SCCPDH: variants seen among roughly 807,000 people sequenced by gnomAD.
The protein encoded by SCCPDH is saccharopine dehydrogenase-like oxidoreductase.
In SCCPDH, 34 loss-of-function variants were observed where a neutral mutation model predicts 51.5. The ratio of observed to expected loss-of-function variants is 0.66; its 90% CI spans 0.50 to 0.88. The LOEUF (loss-of-function observed/expected upper bound fraction) is 0.88. SCCPDH is among the 40% of genes least tolerant of loss of function. The pLI, the probability that SCCPDH is intolerant of heterozygous loss-of-function variation, is 0.00. For synonymous variants in SCCPDH, 187 were observed against 191.3 expected, an observed-to-expected ratio of 0.98 and a Z score of 0.19; for missense variants, 464 against 527.1, an observed-to-expected ratio of 0.88 and a Z score of 1.17.
intron 4 of SCCPDH, among the ~76,000 whole-genome samples, chr1:246,743,319 T>C (rs1668707942): frequency 6.6e-6 from 1 of 151,592 alleles, no homozygotes; most frequent in Non-Finnish European, 1.5e-5. Context: ...GCATGGTGGC[T>C]CACGCCTGAA....
intron 4 of SCCPDH, among the ~76,000 whole-genome samples, chr1:246,742,254 C>T (rs368762204): frequency 7.2e-5 from 11 of 152,188 alleles, no homozygotes; most frequent in African/African-American, 1.7e-4. Flanking sequence ...AATGCTTTAA[C>T]GTCTGTGAAG....
rs1127098 is a variant in SCCPDH, at chr1:246,759,088, A to G, written c.750A>G (p.Gly250=). The G allele has an allele frequency of 0.043, 68,739 of 1,611,162 alleles. 3,472 individuals carry two copies. Among genetic ancestry groups the G allele is most frequent in the Admixed American group, 0.23 (13,757 of 59,890 alleles). Reference sequence around the variant, plus strand: ...AAGGTTATTCCATTCCTTTTATGGGATCTGATGTGTCTGTTGTAAGGAGGA... The same window carrying G: ...AAGGTTATTCCATTCCTTTTATGGGGTCTGATGTGTCTGTTGTAAGGAGGA... ...ELKGYSIPFM[G]SDVSVVRRTQ... The change falls in exon 7 of 12, where the codon GGA becomes GGG. Residue 250 remains glycine (G), a synonymous_variant. Coordinates refer to ENST00000366510, the MANE Select transcript of SCCPDH (RefSeq NM_016002.3).
intron 9 of SCCPDH, among the ~76,000 whole-genome samples, chr1:246,760,591 C>T (rs982903207): frequency 9.2e-5 from 14 of 152,192 alleles, no homozygotes; most frequent in Admixed American, 7.2e-4. Flanking sequence ...CTTTGTGCCT[C>T]CTCTGCCCCC....
At chr1:246,740,735 A>G (rs923995550) in intron 4 of SCCPDH, among the ~76,000 whole-genome samples, 1 of 152,248 alleles carries the variant, frequency 6.6e-6, no homozygotes, top group Non-Finnish European at 1.5e-5. Flanking sequence ...TAATGTTACG[A>G]TAAAACATTT....
chr1:246,761,289 C>G (rs2102990711), intron 9 of SCCPDH, among the ~76,000 whole-genome samples: 1 of 152,308 alleles, frequency 6.6e-6, no homozygotes, highest in Middle Eastern at 3.4e-3. Context: ...GTTGGGCAGG[C>G]TGGTCTTGAA....
chr1:246,745,638 G>A (rs1055424380), intron 5 of SCCPDH, among the ~76,000 whole-genome samples: 1 of 152,000 alleles, frequency 6.6e-6, no homozygotes, highest in Non-Finnish European at 1.5e-5. Context: ...GACAAAGATG[G>A]GGTGGGATGG....
At chr1:246,744,559 G>T (rs1047385591) in intron 5 of SCCPDH, among the ~76,000 whole-genome samples, 1 of 151,432 alleles carries the variant, frequency 6.6e-6, no homozygotes, top group African/African-American at 2.4e-5. Flanking sequence ...GACCTCAGGT[G>T]ATCCGCCCAC....
chr1:246,742,302 G>A (rs1483697897), intron 4 of SCCPDH, among the ~76,000 whole-genome samples: 4 of 152,172 alleles, frequency 2.6e-5, no homozygotes, highest in African/African-American at 9.7e-5. Context: ...GTTTCTTGAG[G>A]TTGTTCTCTG....
chr1:246,748,997 G>A (rs183135083), intron 5 of SCCPDH, among the ~76,000 whole-genome samples: 3 of 152,346 alleles, frequency 2.0e-5, no homozygotes, highest in East Asian at 1.9e-4. Context: ...TAACTTTTCC[G>A]TCTGCCGTGA....
At chr1:246,757,066 G>A (rs1337688932) in intron 5 of SCCPDH, among the ~76,000 whole-genome samples, 5 of 152,162 alleles carry the variant, frequency 3.3e-5, no homozygotes, top group African/African-American at 4.8e-5. Flanking sequence ...GTGCTAGGCC[G>A]GGCGCGGTGG....
chr1:246,736,424 G>A (rs1279129800), intron 3 of SCCPDH, among the ~76,000 whole-genome samples: 6 of 152,074 alleles, frequency 3.9e-5, no homozygotes, highest in African/African-American at 1.2e-4. Context: ...CCTTTAGGCC[G>A]GGCACGGTGG....
chr1:246,759,184 G>A (rs772412386), intron 7 of SCCPDH, 33 bp downstream of exon 7: 50 of 1,103,986 alleles, frequency 4.5e-5, no homozygotes, highest in Non-Finnish European at 5.4e-5. Context: ...TCAATAAAGT[G>A]TGTGTTACAG....
In SCCPDH at chr1:246,740,207, A is replaced by G; in HGVS notation, c.420A>G (p.Lys140=). ...TAATGCAACTGAAGTATCATGAGAA[A>G]GCTGCAGACAAAGGGGTTTATATCA... ...LELMQLKYHE[K]AADKGVYIIG... Residue 140 remains lysine (K), a synonymous_variant, in exon 4 of 12, where the codon AAA becomes AAG. Transcript: ENST00000366510. 1 of 1,605,010 alleles carries G rather than the reference A, an allele frequency of 6.2e-7. No homozygotes were observed. Among genetic ancestry groups the G allele is most frequent in the South Asian group, 1.1e-5 (1 of 89,812 alleles).
chr1:246,756,009 A>G (rs1248245732), intron 5 of SCCPDH, among the ~76,000 whole-genome samples: 1 of 152,212 alleles, frequency 6.6e-6, no homozygotes, highest in East Asian at 1.9e-4. Flanking sequence ...TGGATTGTGG[A>G]TGCCCTCACG....
intron 5 of SCCPDH, among the ~76,000 whole-genome samples, chr1:246,745,266 G>A (rs1201492031): frequency 6.6e-6 from 1 of 152,222 alleles, no homozygotes; most frequent in African/African-American, 2.4e-5. Context: ...CTTTTATGCT[G>A]ATAGTGCCTA....
chr1:246,726,078 C>G (rs1034264502), intron 1 of SCCPDH, among the ~76,000 whole-genome samples: 3 of 151,922 alleles, frequency 2.0e-5, no homozygotes, highest in Admixed American at 2.0e-4. Flanking sequence ...AGGATGGTCT[C>G]GATCTGCTGA....
At chr1:246,724,634 G>C in intron 1 of SCCPDH, 22 bp downstream of exon 1, 1 of 1,439,962 alleles carries the variant, frequency 6.9e-7, no homozygotes. Flanking sequence ...GGGCGGGACG[G>C]GGCTGCGCGG....
intron 4 of SCCPDH, among the ~76,000 whole-genome samples, chr1:246,743,808 C>A (rs1572298226): frequency 6.6e-6 from 1 of 152,108 alleles, no homozygotes; most frequent in Admixed American, 6.5e-5. Context: ...AATTGAATAT[C>A]TTCAAAATAT....
At chr1:246,762,356 C>T (rs1253187194) in intron 9 of SCCPDH, among the ~76,000 whole-genome samples, 2 of 152,150 alleles carry the variant, frequency 1.3e-5, no homozygotes, top group Admixed American at 6.5e-5. Context: ...GCTTCTGTCT[C>T]GTGGTTGGTA....
Sources: allele counts gnomAD v4.1 joint callset (sites outside exome capture counted in the v4.1 genomes callset), GRCh38; gene constraint gnomAD v4.1.1; transcripts MANE v1.5; gene names NCBI Gene and HGNC (gene_info 2026-07-23, HGNC 2026-07-21).